ITGB3BP: variants seen among roughly 807,000 people sequenced by gnomAD.
ITGB3BP encodes the protein integrin subunit beta 3 binding protein.
In ITGB3BP, 27 loss-of-function variants were observed where a neutral mutation model predicts 29.1. The ratio of observed to expected loss-of-function variants is 0.93; its 90% CI spans 0.68 to 1.28. The LOEUF (loss-of-function observed/expected upper bound fraction) is 1.28, where lower values mean the gene tolerates loss of function less well. ITGB3BP is among the 50% of genes most tolerant of loss of function. The pLI, the probability that ITGB3BP is intolerant of heterozygous loss-of-function variation, is 0.00. For synonymous variants in ITGB3BP, 61 were observed against 61.4 expected (o/e 0.99, Z 0.03); for missense variants, 192 against 200.2 (o/e 0.96, Z 0.25).
intron 1 of ITGB3BP, among the ~76,000 whole-genome samples, chr1:63,522,152 A>G (rs1646464828): frequency 6.6e-6 from 1 of 152,236 alleles, no homozygotes; most frequent in Non-Finnish European, 1.5e-5. Flanking sequence ...AGCAGCCCCC[A>G]TCCCCTAAAG....
chr1:63,499,221 G>A (rs935206762), intron 2 of ITGB3BP, among the ~76,000 whole-genome samples: 1 of 150,020 alleles, frequency 6.7e-6, no homozygotes, highest in Non-Finnish European at 1.5e-5. Flanking sequence ...GAGGGCAATG[G>A]CGCGATCTCG....
intron 4 of ITGB3BP, among the ~76,000 whole-genome samples, chr1:63,461,306 A>G (rs1645015468): frequency 6.6e-6 from 1 of 151,426 alleles, no homozygotes; most frequent in Admixed American, 6.6e-5. Flanking sequence ...CCTATATTTA[A>G]AATTGGATTG....
intron 2 of ITGB3BP, among the ~76,000 whole-genome samples, chr1:63,499,079 A>G (rs1478695811): frequency 3.3e-5 from 5 of 152,148 alleles, no homozygotes; most frequent in Non-Finnish European, 5.9e-5. Flanking sequence ...ATGTAAAGAC[A>G]TAAGAGTTAA....
chr1:63,489,503 T>C (rs1645600722), intron 3 of ITGB3BP, among the ~76,000 whole-genome samples: 1 of 151,360 alleles, frequency 6.6e-6, no homozygotes, highest in Admixed American at 6.6e-5. Flanking sequence ...ATGGTCAAAA[T>C]TAAAATTAAA....
At chr1:63,459,448 T>G (rs1644981808) in intron 4 of ITGB3BP, among the ~76,000 whole-genome samples, 1 of 152,150 alleles carries the variant, frequency 6.6e-6, no homozygotes, top group African/African-American at 2.4e-5. Context: ...TTCTTTATCT[T>G]TACAATACTA....
At chr1:63,499,161 T>G (rs796873649) in intron 2 of ITGB3BP, among the ~76,000 whole-genome samples, 1 of 150,402 alleles carries the variant, frequency 6.6e-6, no homozygotes, top group African/African-American at 2.4e-5. Flanking sequence ...CTAGCGTTTT[T>G]TTTTTTTTTT....
intron 1 of ITGB3BP, among the ~76,000 whole-genome samples, chr1:63,521,991 G>A (rs1646460298): frequency 6.6e-6 from 1 of 152,160 alleles, no homozygotes; most frequent in Non-Finnish European, 1.5e-5. Flanking sequence ...TAATGCAAGA[G>A]TAGGGAAACA....
At chr1:63,518,314 T>C (rs1466778290) in intron 1 of ITGB3BP, among the ~76,000 whole-genome samples, 1 of 152,178 alleles carries the variant, frequency 6.6e-6, no homozygotes, top group Non-Finnish European at 1.5e-5. Context: ...TTATGCAGAT[T>C]TTCTGTATCA....
At chr1:63,493,323 G>A (rs993267798) in intron 2 of ITGB3BP, among the ~76,000 whole-genome samples, 1 of 151,980 alleles carries the variant, frequency 6.6e-6, no homozygotes, top group African/African-American at 2.4e-5. Flanking sequence ...GCTGAGGCAC[G>A]AGAATCACTT....
At chr1:63,469,055 A>T (rs1645149685) in intron 4 of ITGB3BP, among the ~76,000 whole-genome samples, 1 of 151,638 alleles carries the variant, frequency 6.6e-6, no homozygotes, top group Non-Finnish European at 1.5e-5. Context: ...TTCAAAAAAA[A>T]AAAAAAGTCT....
At chr1:63,480,431 T>C (rs1043502971) in intron 3 of ITGB3BP, among the ~76,000 whole-genome samples, 2 of 152,138 alleles carry the variant, frequency 1.3e-5, no homozygotes, top group African/African-American at 4.8e-5. Flanking sequence ...TGAGGACACA[T>C]ATTAGTAGAG....
At chr1:63,489,736 G>A (rs72918633) in intron 3 of ITGB3BP, among the ~76,000 whole-genome samples, 2,092 of 152,160 alleles carry the variant, frequency 0.014, 59 homozygotes, top group African/African-American at 0.047. Context: ...TTAAGTTGTA[G>A]TGCAGCAGCA....
At chr1:63,478,873 G>A in intron 3 of ITGB3BP, 40 bp from the exon 4 acceptor site, 1 of 710,108 alleles carries the variant, frequency 1.4e-6, no homozygotes, top group Non-Finnish European at 2.2e-6. Flanking sequence ...AAAGTTAAAG[G>A]AGAAATCATC....
intron 3 of ITGB3BP, among the ~76,000 whole-genome samples, chr1:63,480,451 T>G (rs1018647498): frequency 3.3e-5 from 5 of 152,170 alleles, no homozygotes; most frequent in Non-Finnish European, 5.9e-5. Context: ...GTTAAGATTT[T>G]CAGTGTCTTA....
At chr1:63,521,421 A>G (rs999584795) in intron 1 of ITGB3BP, among the ~76,000 whole-genome samples, 1 of 147,872 alleles carries the variant, frequency 6.8e-6, no homozygotes, top group Admixed American at 6.8e-5. Flanking sequence ...TATATTAGCT[A>G]TATATGTGAG....
At chr1:63,500,940 G>A (rs1645912872) in intron 2 of ITGB3BP, among the ~76,000 whole-genome samples, 1 of 152,192 alleles carries the variant, frequency 6.6e-6, no homozygotes, top group African/African-American at 2.4e-5. Flanking sequence ...CCGCATGGTA[G>A]TGGCATAAAC....
At chr1:63,475,113 C>G (rs1286608126) in intron 4 of ITGB3BP, among the ~76,000 whole-genome samples, 1 of 151,830 alleles carries the variant, frequency 6.6e-6, no homozygotes, top group African/African-American at 2.4e-5. Context: ...TAGCTGGGAT[C>G]ACAGGTGTGC....
upstream of ITGB3BP, among the ~76,000 whole-genome samples, chr1:63,524,795 A>G (rs200849944): frequency 1.3e-5 from 2 of 152,126 alleles, no homozygotes; most frequent in South Asian, 4.1e-4. Context: ...CAATTTCCTC[A>G]TCTGTAAAAC....
intron 8 of ITGB3BP, among the ~76,000 whole-genome samples, chr1:63,442,329 C>A (rs961075433): frequency 6.6e-6 from 1 of 152,204 alleles, no homozygotes; most frequent in African/African-American, 2.4e-5. Flanking sequence ...TACACAAATT[C>A]TTCCCTCCTT....
Sources: allele counts gnomAD v4.1 joint callset (sites outside exome capture counted in the v4.1 genomes callset), GRCh38; gene constraint gnomAD v4.1.1; transcripts MANE v1.5; gene names NCBI Gene and HGNC (gene_info 2026-07-23, HGNC 2026-07-21).